KLHDC10: variants seen among roughly 807,000 people sequenced by gnomAD.
KLHDC10 encodes kelch domain containing 10.
A neutral mutation model predicts 56.1 loss-of-function variants in KLHDC10; 24 were observed. The observed-to-expected ratio is 0.43, with a 90% CI of 0.31 to 0.60. KLHDC10 has a LOEUF of 0.60. KLHDC10 is among the 20% of genes least tolerant of loss of function. The pLI, the probability that KLHDC10 is intolerant of heterozygous loss-of-function variation, is 0.11. For synonymous variants in KLHDC10, 188 were observed against 207.1 expected (o/e 0.91, Z 0.79); for missense variants, 349 against 567.0 (o/e 0.62, Z 3.91).
rs1235765654 is a variant in KLHDC10, at chr7:130,133,402, T to A, written c.*2656T>A. The stretch of plus-strand genomic sequence containing the variant: ...AGTGCAATATATAGAAACATATGGA[T>A]ATATACAGATTATATATAGGGTGTA... On this transcript the variant is annotated 3_prime_UTR_variant, in exon 10 of 10. Transcript: ENST00000335420. 6.6e-6 allele frequency: 1 copy of A among 152,246 alleles called. No homozygotes were observed. The highest frequency in any genetic ancestry group is 1.5e-5 in the Non-Finnish European group (1 of 68,050). 9.4% of individuals were successfully genotyped at this position (152,246 alleles called of 1,614,324 possible).
intron 2 of KLHDC10, among the ~76,000 whole-genome samples, chr7:130,110,594 T>A (rs2140877): frequency 6.6e-6 from 1 of 151,980 alleles, no homozygotes; most frequent in African/African-American, 2.4e-5. Context: ...TGTACCTGCC[T>A]TTTGGGGGAT....
intron 5 of KLHDC10, among the ~76,000 whole-genome samples, chr7:130,123,016 T>TGTGG (rs1554467482): frequency 2.0e-5 from 3 of 148,932 alleles, no homozygotes; most frequent in African/African-American, 7.4e-5. Flanking sequence ...TAGATGGATG[T>TGTGG]ATGGATGGAT....
chr7:130,108,944 T>C (rs968571849), intron 2 of KLHDC10, among the ~76,000 whole-genome samples: 1 of 152,072 alleles, frequency 6.6e-6, no homozygotes, highest in Non-Finnish European at 1.5e-5. Context: ...AGACAGGCTG[T>C]CACCCTGTCG....
chr7:130,107,886 C>T (rs1404067058), intron 2 of KLHDC10, among the ~76,000 whole-genome samples: 3 of 140,958 alleles, frequency 2.1e-5, no homozygotes, highest in Admixed American at 7.3e-5. Context: ...CGCGGTGGCC[C>T]GTACCGTAGT....
intron 5 of KLHDC10, 57 bp downstream of exon 5, chr7:130,122,259 C>A: frequency 6.4e-7 from 1 of 1,550,924 alleles, no homozygotes; most frequent in Non-Finnish European, 8.8e-7. Flanking sequence ...TGACCTCTTT[C>A]AGAGTGTTGG....
rs1160712915 is a variant in KLHDC10, at chr7:130,134,190, C to G, written c.*3444C>G. ...CCTCCCTATCCTTTCCTGTAAGCACCTGTTTTTCCATGGAATGGGGTTAAT... is the reference window on the plus strand; with the variant it reads ...CCTCCCTATCCTTTCCTGTAAGCACGTGTTTTTCCATGGAATGGGGTTAAT... On this transcript the variant is annotated 3_prime_UTR_variant, in exon 10 of 10. Transcript: ENST00000335420. 6.6e-6 allele frequency: 1 copy of G among 152,122 alleles called. No individual in the cohort carries two copies. The highest frequency in any genetic ancestry group is 1.5e-5 in the Non-Finnish European group (1 of 68,018). The allele number at this position is 152,122 out of a possible 1,614,324, so 9.4% of individuals were successfully genotyped here. A position where few individuals can be genotyped will look rare whatever the true frequency, so the allele number is the denominator to read the frequency against.
intron 2 of KLHDC10, among the ~76,000 whole-genome samples, chr7:130,109,008 G>T (rs1042084712): frequency 1.3e-5 from 2 of 151,862 alleles, no homozygotes; most frequent in African/African-American, 4.8e-5. Context: ...TCCGCCTCCG[G>T]GGTCTAAGTG....
intron 1 of KLHDC10, among the ~76,000 whole-genome samples, chr7:130,073,593 G>C (rs1795454628): frequency 6.6e-6 from 1 of 152,150 alleles, no homozygotes; most frequent in Non-Finnish European, 1.5e-5. Flanking sequence ...ACAGCGCCCA[G>C]CCAGCCCCAT....
At position 130,132,014 on chromosome 7, in the gene KLHDC10, G is replaced by A. The variant is rs1438865280; in HGVS notation, c.*1268G>A. 2 of 152,054 alleles carry A rather than the reference G, an allele frequency of 1.3e-5. No homozygotes were observed. Among genetic ancestry groups the A allele is most frequent in the Admixed American group, 1.3e-4 (2 of 15,262 alleles). The allele number at this position is 152,054 out of a possible 1,614,324, so 9.4% of individuals were successfully genotyped here. A position where few individuals can be genotyped will look rare whatever the true frequency, so the allele number is the denominator to read the frequency against. ...TAGCATGAGGAAGGAATGAAACTGA[G>A]TAGCATTCATTTTGTGTGTGTGAAA... is the stretch of plus-strand genomic sequence containing the variant. On this transcript the variant is annotated 3_prime_UTR_variant, in exon 10 of 10. Transcript: ENST00000335420.
At chr7:130,119,537 T>TA (rs11317882) in intron 3 of KLHDC10, among the ~76,000 whole-genome samples, 3,483 of 100,328 alleles carry the variant, frequency 0.035, 110 homozygotes, top group African/African-American at 0.086. Context: ...AAAAAAGAGT[T>TA]AAAAAAAAAA....
chr7:130,081,509 G>T (rs1795607173), intron 1 of KLHDC10, among the ~76,000 whole-genome samples: 1 of 151,892 alleles, frequency 6.6e-6, no homozygotes, highest in Admixed American at 6.6e-5. Context: ...AGTAGAGACA[G>T]GGTTTCACCG....
At chr7:130,101,767 G>A (rs938101170) in intron 2 of KLHDC10, among the ~76,000 whole-genome samples, 5 of 151,954 alleles carry the variant, frequency 3.3e-5, no homozygotes, top group African/African-American at 1.2e-4. Context: ...TCAGGAGATC[G>A]AGACCATTCT....
At chr7:130,108,675 T>C (rs527706377) in intron 2 of KLHDC10, among the ~76,000 whole-genome samples, 26 of 149,640 alleles carry the variant, frequency 1.7e-4, no homozygotes, top group Non-Finnish European at 2.8e-4. Context: ...TGAGCCAAGA[T>C]TGAGTCATTG....
chr7:130,079,254 C>T (rs1795564548), intron 1 of KLHDC10, among the ~76,000 whole-genome samples: 2 of 151,986 alleles, frequency 1.3e-5, no homozygotes, highest in African/African-American at 4.8e-5. Flanking sequence ...GACAGGGTTT[C>T]ACCATGTTGG....
chr7:130,089,097 GA>G (rs1179111313), intron 1 of KLHDC10, among the ~76,000 whole-genome samples: 1 of 151,590 alleles, frequency 6.6e-6, no homozygotes, highest in African/African-American at 2.4e-5. Flanking sequence ...AAATCTTACA[GA>G]AAAAAACCCA....
intron 2 of KLHDC10, among the ~76,000 whole-genome samples, chr7:130,109,303 T>C (rs1227849305): frequency 6.6e-6 from 1 of 151,064 alleles, no homozygotes; most frequent in East Asian, 2.0e-4. Flanking sequence ...GGTGCAATCA[T>C]AGCTTACTGC....
At chr7:130,107,990 G>A (rs1796036782) in intron 2 of KLHDC10, among the ~76,000 whole-genome samples, 1 of 151,806 alleles carries the variant, frequency 6.6e-6, no homozygotes, top group African/African-American at 2.4e-5. Context: ...ACCCCAGCCT[G>A]GGGGACAGAG....
chr7:130,072,135 C>T (rs1486668148), intron 1 of KLHDC10, among the ~76,000 whole-genome samples: 1 of 152,130 alleles, frequency 6.6e-6, no homozygotes, highest in Admixed American at 6.6e-5. Context: ...TTTTCTTACT[C>T]CCAATTAATA....
chr7:130,085,052 A>T (rs773811463), intron 1 of KLHDC10, among the ~76,000 whole-genome samples: 2 of 151,990 alleles, frequency 1.3e-5, no homozygotes, highest in African/African-American at 2.4e-5. Context: ...GAGTTCACCA[A>T]AGAATATCTT....
Sources: allele counts gnomAD v4.1 joint callset (sites outside exome capture counted in the v4.1 genomes callset), GRCh38; gene constraint gnomAD v4.1.1; transcripts MANE v1.5; gene names NCBI Gene and HGNC (gene_info 2026-07-23, HGNC 2026-07-21).